Variants in FAT3 observed in about 807,000 individuals in gnomAD.
FAT3 encodes the protein protocadherin Fat 3.
A neutral mutation model predicts 310.2 loss-of-function variants in FAT3; 95 were observed. The ratio of observed to expected loss-of-function variants is 0.31; its 90% confidence interval spans 0.26 to 0.36. The LOEUF (loss-of-function observed/expected upper bound fraction) is 0.36, where lower values mean the gene tolerates loss of function less well. Ranked by LOEUF, FAT3 falls within the 10% of genes least tolerant of loss-of-function variation. FAT3 has a pLI of 1.00. For synonymous variants in FAT3, 2,314 were observed against 2,192.9 expected, an observed-to-expected ratio of 1.06 and a Z score of -1.54; for missense variants, 5,408 against 5,715.6, an observed-to-expected ratio of 0.95 and a Z score of 1.74.
At chr11:92,231,590 G>GA (rs1864182384) in intron 1 of FAT3, among the ~76,000 whole-genome samples, 2 of 152,168 alleles carry the variant, frequency 1.3e-5, no homozygotes, top group East Asian at 1.9e-4. Context: ...CAAACAATCT[G>GA]AAAAAAATTG....
At chr11:92,723,026 CA>C (rs1245581424) in intron 4 of FAT3, among the ~76,000 whole-genome samples, 1 of 152,218 alleles carries the variant, frequency 6.6e-6, no homozygotes. Context: ...TGGGGATTAA[CA>C]TTCAGCTCCT....
chr11:92,564,706 C>T (rs1260329310), intron 3 of FAT3, among the ~76,000 whole-genome samples: 1 of 151,862 alleles, frequency 6.6e-6, no homozygotes, highest in Non-Finnish European at 1.5e-5. Flanking sequence ...ACAGTGCAAT[C>T]AAACTAGAAC....
chr11:92,848,286 C>T (rs957927265), intron 19 of FAT3, among the ~76,000 whole-genome samples: 8 of 152,294 alleles, frequency 5.3e-5, no homozygotes, highest in Admixed American at 4.6e-4. Context: ...TAGACTCCAG[C>T]TACAAACAAG....
At chr11:92,767,616 A>T (rs2136102054) in intron 6 of FAT3, among the ~76,000 whole-genome samples, 1 of 152,112 alleles carries the variant, frequency 6.6e-6, no homozygotes, top group South Asian at 2.1e-4. Context: ...ACTCTTCATC[A>T]TTCCTGCATG....
intron 14 of FAT3, 82 bp from the exon 15 acceptor site, chr11:92,834,788 T>G: frequency 8.2e-7 from 1 of 1,214,046 alleles, no homozygotes; most frequent in South Asian, 1.5e-5. Flanking sequence ...GGAGAGGATG[T>G]TAGAAATATT....
intron 3 of FAT3, among the ~76,000 whole-genome samples, chr11:92,653,304 C>A (rs554792773): frequency 6.6e-6 from 1 of 152,234 alleles, no homozygotes; most frequent in African/African-American, 2.4e-5. Flanking sequence ...AATGCCCGAG[C>A]CAGAATTCGT....
chr11:92,241,245 CCTT>C (rs1864660634), intron 1 of FAT3, among the ~76,000 whole-genome samples: 1 of 152,094 alleles, frequency 6.6e-6, no homozygotes, highest in Non-Finnish European at 1.5e-5. Context: ...CTTAACAGCT[CCTT>C]CTTGGGAGCT....
At chr11:92,421,682 G>A (rs80336449) in intron 2 of FAT3, among the ~76,000 whole-genome samples, 2 of 152,200 alleles carry the variant, frequency 1.3e-5, no homozygotes, top group East Asian at 3.9e-4. Context: ...AGAGACAATC[G>A]ACCTCAAAAC....
At chr11:92,556,881 G>A (rs585330) in intron 3 of FAT3, among the ~76,000 whole-genome samples, 82,340 of 151,828 alleles carry the variant, frequency 0.54, 22,986 homozygotes, top group East Asian at 0.78. Context: ...TACCATTTAC[G>A]TATCTGTCTC....
intron 2 of FAT3, among the ~76,000 whole-genome samples, chr11:92,491,323 G>T (rs762667385): frequency 6.6e-6 from 1 of 151,954 alleles, no homozygotes; most frequent in African/African-American, 2.4e-5. Flanking sequence ...GTATCTAATG[G>T]ATAGAGACCA....
intron 2 of FAT3, among the ~76,000 whole-genome samples, chr11:92,483,567 G>A (rs1565351707): frequency 1.3e-5 from 2 of 152,030 alleles, no homozygotes; most frequent in Non-Finnish European, 2.9e-5. Flanking sequence ...CTGTGGGTAT[G>A]TATCCTATCT....
chr11:92,511,302 G>A (rs1953280760), intron 2 of FAT3, among the ~76,000 whole-genome samples: 1 of 152,056 alleles, frequency 6.6e-6, no homozygotes, highest in Non-Finnish European at 1.5e-5. Context: ...GTCTGAAATT[G>A]ACTATAAGCT....
At position 92,761,811 on chromosome 11, in the gene FAT3, A is replaced by G. The variant is rs77411958; in HGVS notation, c.3670-45A>G. 1.2e-3 allele frequency: 1,851 copies of G among 1,559,412 alleles called. 15 individuals carry two copies. In the African/African-American group the frequency reaches 0.023, roughly 19 times the overall value. On this transcript the variant is annotated intron_variant, in intron 4 of 27. Coordinates refer to ENST00000525166, the MANE Select transcript of FAT3 (RefSeq NM_001367949.2). Reference sequence around the variant, plus strand: ...ACCCATAGGTTAACATGTAATAGCAAGAATAATTTTCTCCTTTCTGATCAC... The same window carrying G: ...ACCCATAGGTTAACATGTAATAGCAGGAATAATTTTCTCCTTTCTGATCAC...
chr11:92,718,737 T>C lies in FAT3; in HGVS notation c.3669+21292T>C, dbSNP rs546742818. On this transcript the variant is annotated intron_variant, in intron 4 of 27. Coordinates refer to ENST00000525166, the MANE Select transcript of FAT3 (RefSeq NM_001367949.2). ...GGCTTCTAGATTAGTGTTTGGTACA[T>C]AGAAAGTGATCAGTAAATATATATG... Among the ~76,000 whole-genome samples, 529 of 152,320 alleles carry C rather than the reference T, an allele frequency of 3.5e-3. 4 individuals are homozygous for C. The highest frequency in any genetic ancestry group is 4.0e-3 in the Non-Finnish European group (275 of 68,030).
intron 2 of FAT3, among the ~76,000 whole-genome samples, chr11:92,462,419 G>A (rs1480128500): frequency 6.6e-6 from 1 of 152,094 alleles, no homozygotes; most frequent in Non-Finnish European, 1.5e-5. Context: ...GAGAACATGT[G>A]GTATTTGGTT....
intron 4 of FAT3, among the ~76,000 whole-genome samples, chr11:92,740,502 A>G (rs1209341403): frequency 1.3e-5 from 2 of 152,224 alleles, no homozygotes; most frequent in East Asian, 1.9e-4. Context: ...TTGAAAAGTA[A>G]AAGTGAAGAA....
At chr11:92,236,750 T>C (rs1178529561) in intron 1 of FAT3, among the ~76,000 whole-genome samples, 2 of 152,226 alleles carry the variant, frequency 1.3e-5, no homozygotes, top group Non-Finnish European at 2.9e-5. Flanking sequence ...TAAAATTTGC[T>C]CACAGTTCAG....
chr11:92,428,278 G>A (rs1950681589), intron 2 of FAT3, among the ~76,000 whole-genome samples: 1 of 146,598 alleles, frequency 6.8e-6, no homozygotes, highest in South Asian at 2.2e-4. Context: ...TTCTTTGTTA[G>A]TCTGGCTAGC....
chr11:92,513,446 G>C (rs1363833992), intron 2 of FAT3, among the ~76,000 whole-genome samples: 1 of 152,146 alleles, frequency 6.6e-6, no homozygotes, highest in African/African-American at 2.4e-5. Context: ...GCTAAAAGTG[G>C]TTATGGAGCC....
Sources: allele counts gnomAD v4.1 joint callset (sites outside exome capture counted in the v4.1 genomes callset), GRCh38; gene constraint gnomAD v4.1.1; transcripts MANE v1.5; gene names NCBI Gene and HGNC (gene_info 2026-07-23, HGNC 2026-07-21).